Variants in CDH1 observed in about 807,000 individuals in gnomAD.
CDH1 encodes cadherin 1.
A neutral mutation model predicts 84.5 loss-of-function variants in CDH1; 35 were observed. The ratio of observed to expected loss-of-function variants is 0.41; its 90% CI spans 0.32 to 0.55. CDH1 has a LOEUF of 0.55. Among genes scored for constraint, CDH1 ranks in the 20% least tolerant of loss-of-function variants. The pLI is 0.19. For synonymous variants in CDH1, 417 were observed against 439.0 expected (o/e 0.95, Z 0.63); for missense variants, 994 against 1,126.6 (o/e 0.88, Z 1.68).
At chr16:68,792,200 C>T (rs896612887) in intron 2 of CDH1, among the ~76,000 whole-genome samples, 30 of 147,672 alleles carry the variant, frequency 2.0e-4, no homozygotes, top group Non-Finnish European at 3.7e-4. Flanking sequence ...TGATTACAGG[C>T]ATGAGGCACC....
chr16:68,833,777 A>C lies in CDH1; in HGVS notation c.*278A>C. The C allele has an allele frequency of 2.1e-6, 1 of 475,002 alleles. No homozygotes were observed. The highest frequency in any genetic ancestry group is 3.8e-6 in the Non-Finnish European group (1 of 260,692). 29.4% of individuals were successfully genotyped at this position (475,002 alleles called of 1,614,324 possible). ...AAAGATACCCAAATTTTAATATTCC[A>C]GAAGAACAACTTTAGCATCAGAAGG... On this transcript the variant is annotated 3_prime_UTR_variant, in exon 16 of 16. Transcript: ENST00000261769.
At position 68,810,221 on chromosome 16, in the gene CDH1, A is replaced by C. The variant is rs730881664; in HGVS notation, c.712A>C (p.Asn238His). The C allele has an allele frequency of 6.8e-6, 11 of 1,614,036 alleles. No homozygotes were observed. Among genetic ancestry groups the C allele is most frequent in the South Asian group, 1.1e-5 (1 of 91,090 alleles). Residue 238 changes from asparagine (N) to histidine (H), a missense_variant, in exon 6 of 16, where the codon AAC (asparagine) becomes CAC (histidine). By Grantham distance (68) the Asn-to-His change is moderately conservative. Around this residue, in one of 3 missense-constraint regions of CDH1, gnomAD observed 769 missense variants for 881.8 expected, o/e 0.87. Coordinates refer to ENST00000261769, the MANE Select transcript of CDH1 (RefSeq NM_004360.5). ...GCTCTTCTCTCACGCTGTGTCATCC[A>C]ACGGGAATGCAGTTGAGGATCCAAT... is the stretch of plus-strand genomic sequence containing the variant. ...YTLFSHAVSS[N>H]GNAVEDPMEI...
intron 3 of CDH1, among the ~76,000 whole-genome samples, chr16:68,804,824 CTTTTT>C (rs5817653): frequency 2.3e-4 from 16 of 69,674 alleles, no homozygotes; most frequent in Admixed American, 1.0e-3. Flanking sequence ...GTAACAAAAT[CTTTTT>C]TTTTTTTTTT....
intron 2 of CDH1, among the ~76,000 whole-genome samples, chr16:68,785,656 A>T (rs1960027204): frequency 6.6e-6 from 1 of 152,218 alleles, no homozygotes; most frequent in South Asian, 2.1e-4. Flanking sequence ...TTAGTTACAC[A>T]AAAGATAGCA....
intron 2 of CDH1, among the ~76,000 whole-genome samples, chr16:68,799,151 G>A (rs1435594587): frequency 6.6e-6 from 1 of 152,192 alleles, no homozygotes; most frequent in African/African-American, 2.4e-5. Flanking sequence ...GAACATGGCA[G>A]AATCTGGTTT....
chr16:68,823,694 T>C, intron 13 of CDH1, 68 bp downstream of exon 13: 1 of 1,066,904 alleles, frequency 9.4e-7, no homozygotes, highest in South Asian at 1.3e-5. Context: ...TTCCTGGAAA[T>C]GATTTTTGTT....
At chr16:68,763,942 G>C (rs1363949734) in intron 2 of CDH1, among the ~76,000 whole-genome samples, 1 of 152,176 alleles carries the variant, frequency 6.6e-6, no homozygotes, top group African/African-American at 2.4e-5. Flanking sequence ...GGACAACCTG[G>C]GCGAGAGCAG....
intron 2 of CDH1, among the ~76,000 whole-genome samples, chr16:68,800,383 C>G (rs374993597): frequency 2.0e-5 from 3 of 152,112 alleles, no homozygotes; most frequent in African/African-American, 7.2e-5. Context: ...CCCTCTCACC[C>G]CCAAACGTGG....
chr16:68,754,582 G>C (rs1962973602), intron 2 of CDH1, among the ~76,000 whole-genome samples: 1 of 152,152 alleles, frequency 6.6e-6, no homozygotes, highest in African/African-American at 2.4e-5. Context: ...CCGTATGTCT[G>C]GTGGCTGTTG....
At chr16:68,809,777 C>T (rs1209013298) in intron 5 of CDH1, among the ~76,000 whole-genome samples, 9 of 151,358 alleles carry the variant, frequency 5.9e-5, no homozygotes, top group Admixed American at 5.9e-4. Flanking sequence ...CTGCCCACCT[C>T]GGCCTCCCAA....
rs937016891 is a variant in CDH1, at chr16:68,753,960, C to CA, written c.163+15558dup. On this transcript the variant is annotated intron_variant, in intron 2 of 15. Coordinates refer to ENST00000261769, the MANE Select transcript of CDH1 (RefSeq NM_004360.5). ...TGAAACCCCATCTCTACTAAAAATA[C>CA]AAAAAAAAATTGGCCAGGCGTAGTG... 3.4e-3 allele frequency among the ~76,000 whole-genome samples: 513 copies of CA among 149,650 alleles called. 7 individuals are homozygous for CA. The highest frequency in any genetic ancestry group is 0.011 in the African/African-American group (467 of 40,890).
At chr16:68,795,069 T>G (rs1246087646) in intron 2 of CDH1, among the ~76,000 whole-genome samples, 1 of 152,146 alleles carries the variant, frequency 6.6e-6, no homozygotes, top group Non-Finnish European at 1.5e-5. Context: ...AGTCTTGCAT[T>G]TGTAAACATA....
chr16:68,781,257 G>A (rs2152122001), intron 2 of CDH1, among the ~76,000 whole-genome samples: 1 of 152,306 alleles, frequency 6.6e-6, no homozygotes, highest in African/African-American at 2.4e-5. Flanking sequence ...ATTAGGCATT[G>A]TGGCCTCAGT....
intron 2 of CDH1, among the ~76,000 whole-genome samples, chr16:68,785,679 T>A (rs928043778): frequency 1.3e-5 from 2 of 152,220 alleles, no homozygotes; most frequent in Non-Finnish European, 2.9e-5. Flanking sequence ...GCTTTGCACT[T>A]GCTTTTATCA....
chr16:68,834,508 T>C lies in CDH1; in HGVS notation c.*1009T>C. On this transcript the variant is annotated 3_prime_UTR_variant, in exon 16 of 16. Coordinates refer to ENST00000261769, the MANE Select transcript of CDH1 (RefSeq NM_004360.5). The stretch of plus-strand genomic sequence containing the variant: ...CTGGGATTGTGGGCATGAGCTGCTG[T>C]GCCCAGCCTCCATGTTTTAATATCA... The C allele has an allele frequency of 3.6e-6, 1 of 275,354 alleles. No homozygotes were observed. Among genetic ancestry groups the C allele is most frequent in the South Asian group, 6.4e-5 (1 of 15,582 alleles). The allele number at this position is 275,354 out of a possible 1,614,324, so 17.1% of individuals were successfully genotyped here.
rs769799936 is a variant in CDH1, at chr16:68,811,748, C to G, written c.897C>G (p.Ala299=). The change falls in exon 7 of 16, where the codon GCC becomes GCG. Residue 299 remains alanine, a synonymous_variant. Coordinates refer to ENST00000261769, the MANE Select transcript of CDH1 (RefSeq NM_004360.5). ...ATGATGTGAACACCTACAATGCCGC[C>G]ATCGCTTACACCATCCTCAGCCAAG... ...ADDDVNTYNA[A]IAYTILSQDP... is the part of the protein sequence containing the mutation. 6.2e-7 allele frequency: 1 copy of G among 1,614,114 alleles called. No individual in the cohort carries two copies. Among genetic ancestry groups the G allele is most frequent in the South Asian group, 1.1e-5 (1 of 91,088 alleles).
chr16:68,802,880 C>T (rs1423332108), intron 3 of CDH1, among the ~76,000 whole-genome samples: 1 of 152,178 alleles, frequency 6.6e-6, no homozygotes, highest in Non-Finnish European at 1.5e-5. Flanking sequence ...ACTATAACCT[C>T]CACAAGACCC....
At chr16:68,779,538 C>A (rs551519182) in intron 2 of CDH1, among the ~76,000 whole-genome samples, 1 of 152,306 alleles carries the variant, frequency 6.6e-6, no homozygotes, top group African/African-American at 2.4e-5. Context: ...TGCAATTCTG[C>A]ATGGTGCTTC....
chr16:68,828,137 G>T (rs2152141324), intron 13 of CDH1, 37 bp from the exon 14 acceptor site: 1 of 1,612,386 alleles, frequency 6.2e-7, no homozygotes, highest in Non-Finnish European at 8.5e-7. Flanking sequence ...TTTATCTTTG[G>T]CTCTCAACAC....
Sources: allele counts gnomAD v4.1 joint callset (sites outside exome capture counted in the v4.1 genomes callset), GRCh38; gene constraint gnomAD v4.1.1; regional missense constraint gnomAD v4.1.1; transcripts MANE v1.5; gene names NCBI Gene and HGNC (gene_info 2026-07-23, HGNC 2026-07-21).